Variants in B3GALT1 observed in about 807,000 individuals in gnomAD.
The protein encoded by B3GALT1 is beta-1,3-galactosyltransferase 1, also known as UDP-Gal:betaGlcNAc beta 1,3-galactosyltransferase, polypeptide 1.
A neutral mutation model predicts 23.2 loss-of-function variants in B3GALT1; 10 were observed. The ratio of observed to expected loss-of-function variants is 0.43; its 90% CI spans 0.27 to 0.73. B3GALT1 has a LOEUF of 0.73. Among genes scored for constraint, B3GALT1 ranks in the 30% least tolerant of loss-of-function variants. B3GALT1 has a pLI of 0.21. For synonymous variants in B3GALT1, 156 were observed against 141.5 expected (o/e 1.10, Z -0.73); for missense variants, 299 against 405.4 (o/e 0.74, Z 2.25).
chr2:167,825,437 G>GGGGTGTGTGTGT lies in B3GALT1; in HGVS notation c.-230+6645_-230+6646insGGTGTGTGTGTG, dbSNP rs1553491807. 2.1e-5 allele frequency among the ~76,000 whole-genome samples: 3 copies of GGGGTGTGTGTGT among 144,568 alleles called. No homozygotes were observed. The East Asian group carries it at 6.0e-4, about 29-fold the overall frequency. The allele number at this position is 144,568 out of a possible 152,430, so 94.8% of individuals were successfully genotyped here. On this transcript the variant is annotated intron_variant, in intron 4 of 4. Transcript: ENST00000392690. ...AAAGAACCAATAAGATATATGCAGG[G>GGGGTGTGTGTGT]GTGTGTGTGTGTGTGTGTGCGTGCA...
chr2:167,516,987 T>C (rs1700109533), intron 2 of B3GALT1, among the ~76,000 whole-genome samples: 1 of 151,810 alleles, frequency 6.6e-6, no homozygotes, highest in Non-Finnish European at 1.5e-5. Flanking sequence ...TTAAGCTTCT[T>C]TGTTATCTAT....
At chr2:167,614,474 C>T (rs1370020564) in intron 2 of B3GALT1, among the ~76,000 whole-genome samples, 1 of 151,778 alleles carries the variant, frequency 6.6e-6, no homozygotes, top group Non-Finnish European at 1.5e-5. Flanking sequence ...AAGGAAATCT[C>T]TGTGAACATC....
intron 1 of B3GALT1, among the ~76,000 whole-genome samples, chr2:167,349,957 C>T (rs551113990): frequency 9.2e-5 from 14 of 151,978 alleles, no homozygotes; most frequent in South Asian, 2.1e-4. Context: ...ATACAATAAA[C>T]GGAATACAAA....
chr2:167,662,534 T>A (rs1247850116), intron 3 of B3GALT1, among the ~76,000 whole-genome samples: 1 of 152,048 alleles, frequency 6.6e-6, no homozygotes, highest in Non-Finnish European at 1.5e-5. Flanking sequence ...TGGCATCATG[T>A]CTCCCAAAGA....
intron 1 of B3GALT1, among the ~76,000 whole-genome samples, chr2:167,324,788 T>C (rs1696866979): frequency 6.6e-6 from 1 of 152,078 alleles, no homozygotes; most frequent in Non-Finnish European, 1.5e-5. Context: ...GACTCTGCTA[T>C]CAAACATTAG....
chr2:167,603,465 T>C (rs1684908631), intron 2 of B3GALT1, among the ~76,000 whole-genome samples: 1 of 152,228 alleles, frequency 6.6e-6, no homozygotes, highest in Non-Finnish European at 1.5e-5. Flanking sequence ...ATCATGGGAT[T>C]GTTGTGAGAG....
chr2:167,511,624 T>C (rs1700005895), intron 2 of B3GALT1, among the ~76,000 whole-genome samples: 1 of 152,224 alleles, frequency 6.6e-6, no homozygotes, highest in Non-Finnish European at 1.5e-5. Context: ...AGCTTAATTT[T>C]AGATATACCA....
intron 3 of B3GALT1, among the ~76,000 whole-genome samples, chr2:167,733,069 G>A (rs988734169): frequency 1.3e-5 from 2 of 152,150 alleles, no homozygotes; most frequent in African/African-American, 2.4e-5. Context: ...TCTAACCATC[G>A]GGGGTTTATC....
chr2:167,352,818 C>T (rs959077616), intron 1 of B3GALT1, among the ~76,000 whole-genome samples: 1 of 152,014 alleles, frequency 6.6e-6, no homozygotes, highest in African/African-American at 2.4e-5. Flanking sequence ...AAGAGTGTCC[C>T]AGAGAATGGT....
intron 4 of B3GALT1, among the ~76,000 whole-genome samples, chr2:167,838,941 A>C (rs1299629365): frequency 2.6e-5 from 4 of 152,202 alleles, no homozygotes; most frequent in African/African-American, 9.7e-5. Flanking sequence ...TGATTATCTC[A>C]ATAGATGCAG....
At chr2:167,855,096 A>G (rs1333028547) in intron 4 of B3GALT1, among the ~76,000 whole-genome samples, 2 of 152,172 alleles carry the variant, frequency 1.3e-5, no homozygotes, top group Non-Finnish European at 2.9e-5. Flanking sequence ...TGCAGTTTTC[A>G]TTTAAAAATA....
intron 2 of B3GALT1, among the ~76,000 whole-genome samples, chr2:167,585,756 T>C (rs958352063): frequency 1.3e-5 from 2 of 152,122 alleles, no homozygotes; most frequent in Non-Finnish European, 2.9e-5. Context: ...TATTAAAACA[T>C]TGGGAACAAC....
In B3GALT1 at chr2:167,873,652, GAAC is replaced by G. The variant is rs1690391482; in HGVS notation, c.*3636_*3638del. 6.6e-6 allele frequency: 1 copy of G among 152,172 alleles called. No individual in the cohort carries two copies. Among genetic ancestry groups the G allele is most frequent in the African/African-American group, 2.4e-5 (1 of 41,428 alleles). 9.4% of individuals were successfully genotyped at this position (152,172 alleles called of 1,614,324 possible). A position where few individuals can be genotyped will look rare whatever the true frequency, so the allele number is the denominator to read the frequency against. ...TGTGAATGAAAGAAGTAATTTACTAGAACAACGCTTGTTGATGATAATTGACAT... is the reference window on the plus strand; with the variant it reads ...TGTGAATGAAAGAAGTAATTTACTAGAACGCTTGTTGATGATAATTGACAT... On this transcript the variant is annotated 3_prime_UTR_variant, in exon 5 of 5. Transcript: ENST00000392690.
At chr2:167,644,881 C>T (rs1415090327) in intron 2 of B3GALT1, among the ~76,000 whole-genome samples, 1 of 151,698 alleles carries the variant, frequency 6.6e-6, no homozygotes, top group African/African-American at 2.4e-5. Flanking sequence ...AGCCCTCTTT[C>T]CAGAATTTGC....
At chr2:167,700,124 CTTG>C (rs1558952664) in intron 3 of B3GALT1, among the ~76,000 whole-genome samples, 1 of 152,142 alleles carries the variant, frequency 6.6e-6, no homozygotes, top group Non-Finnish European at 1.5e-5. Context: ...ATGGTACACA[CTTG>C]TTGTCCTAGC....
intron 1 of B3GALT1, among the ~76,000 whole-genome samples, chr2:167,450,540 G>A (rs1208950940): frequency 6.6e-6 from 1 of 152,162 alleles, no homozygotes; most frequent in Non-Finnish European, 1.5e-5. Flanking sequence ...CTTATAGCTT[G>A]TAGTGTTTCT....
At chr2:167,835,059 G>A (rs1461909731) in intron 4 of B3GALT1, among the ~76,000 whole-genome samples, 1 of 152,158 alleles carries the variant, frequency 6.6e-6, no homozygotes, top group Non-Finnish European at 1.5e-5. Context: ...GAGCCAAGCT[G>A]GCCAAATAGG....
At chr2:167,541,593 A>G in intron 2 of B3GALT1, among the ~76,000 whole-genome samples, 1 of 152,118 alleles carries the variant, frequency 6.6e-6, no homozygotes, top group East Asian at 1.9e-4. Flanking sequence ...AATTGCCTCA[A>G]TTCTCTACAT....
intron 2 of B3GALT1, among the ~76,000 whole-genome samples, chr2:167,567,867 A>G (rs1261395270): frequency 1.3e-5 from 2 of 152,012 alleles, no homozygotes; most frequent in African/African-American, 4.8e-5. Context: ...ACTGCCCTAA[A>G]TATCCTTTGT....
Sources: allele counts gnomAD v4.1 joint callset (sites outside exome capture counted in the v4.1 genomes callset), GRCh38; gene constraint gnomAD v4.1.1; transcripts MANE v1.5; gene names NCBI Gene and HGNC (gene_info 2026-07-23, HGNC 2026-07-21).